Variants in SPAM1 observed in about 807,000 individuals in gnomAD.
SPAM1 encodes the protein sperm adhesion molecule 1.
In SPAM1, 22 loss-of-function variants were observed where a neutral mutation model predicts 29.6. The ratio of observed to expected loss-of-function variants is 0.74; its 90% CI spans 0.53 to 1.06. The LOEUF (loss-of-function observed/expected upper bound fraction) is 1.06. Among genes scored for constraint, SPAM1 ranks in the 50% least tolerant of loss-of-function variants. SPAM1 has a pLI of 0.00. For synonymous variants in SPAM1, 194 were observed against 204.6 expected (o/e 0.95, Z 0.44); for missense variants, 534 against 604.0 (o/e 0.88, Z 1.21).
downstream of SPAM1, among the ~76,000 whole-genome samples, chr7:123,963,436 C>G (rs186522907): frequency 2.6e-5 from 4 of 151,478 alleles, no homozygotes; most frequent in Admixed American, 2.6e-4. Context: ...TAAGATATGG[C>G]TTTTTAGATA....
chr7:123,954,047 A>G lies in SPAM1; in HGVS notation c.477A>G (p.Lys159=), dbSNP rs1340466835. 1 of 1,613,618 alleles carries G rather than the reference A, an allele frequency of 6.2e-7. No homozygotes were observed. Among genetic ancestry groups the G allele is most frequent in the Non-Finnish European group, 8.5e-7 (1 of 1,179,770 alleles). ...EWRPTWARNW[K]PKDVYKNRSI... ...GACCCACTTGGGCAAGAAACTGGAA[A>G]CCTAAAGATGTTTACAAGAATAGGT... The change falls in exon 3 of 5, where the codon AAA becomes AAG. Residue 159 remains lysine, a synonymous_variant. Transcript: ENST00000682466.
rs145043462 is a variant in SPAM1, at chr7:123,930,390, A to G, written c.-319+5038A>G. Among the ~76,000 whole-genome samples the G allele has an allele frequency of 5.1e-3, 777 of 152,218 alleles. 10 individuals carry two copies. Among genetic ancestry groups the G allele is most frequent in the African/African-American group, 0.018 (730 of 41,544 alleles). ...AGGTAACTTTCCAGGCTTAGAATAC[A>G]TTTTTATCATGAGTTCAAGAGGTAT... is the stretch of plus-strand genomic sequence containing the variant. On this transcript the variant is annotated intron_variant, in intron 1 of 4. Transcript: ENST00000682466.
At chr7:123,961,437 C>T (rs117503156), downstream of SPAM1, among the ~76,000 whole-genome samples, 89 of 151,990 alleles carry the variant, frequency 5.9e-4, no homozygotes, top group East Asian at 0.017. Flanking sequence ...CTGTGCTTGC[C>T]TTATTTCCCA....
downstream of SPAM1, among the ~76,000 whole-genome samples, chr7:123,962,598 C>T (rs991806579): frequency 6.6e-6 from 1 of 151,812 alleles, no homozygotes. Flanking sequence ...TGACCAATGT[C>T]CTGTAATGTT....
At chr7:123,934,726 G>A (rs890768083) in intron 1 of SPAM1, among the ~76,000 whole-genome samples, 2 of 152,158 alleles carry the variant, frequency 1.3e-5, no homozygotes, top group Admixed American at 6.5e-5. Flanking sequence ...AGTGAAATAA[G>A]CTAAGCACAG....
At chr7:123,970,420 C>T in intron 6 of SPAM1, 1 of 595,290 alleles carries the variant, frequency 1.7e-6, no homozygotes, top group Non-Finnish European at 2.8e-6. Flanking sequence ...ACTTAATTAC[C>T]TCTTAAAGAT....
In SPAM1 at chr7:123,925,322, A is replaced by C. The variant is rs973671475; in HGVS notation, c.-349A>C. The C allele has an allele frequency of 1.3e-5, 2 of 152,212 alleles. No homozygotes were observed. Among genetic ancestry groups the C allele is most frequent in the African/African-American group, 4.8e-5 (2 of 41,454 alleles). 9.4% of individuals were successfully genotyped at this position (152,212 alleles called of 1,614,324 possible). On this transcript the variant is annotated 5_prime_UTR_variant, in exon 1 of 5. Transcript: ENST00000682466. ...AAGTATGATAGCAGTGTAGGTGGTT[A>C]GCAGCACCTCATAAGGTCCTTCCTA...
At chr7:123,951,891 G>C (rs1584957423) in intron 2 of SPAM1, among the ~76,000 whole-genome samples, 1 of 152,048 alleles carries the variant, frequency 6.6e-6, no homozygotes, top group Non-Finnish European at 1.5e-5. Context: ...CAAAGTGCTC[G>C]GATTACAGGC....
chr7:123,950,399 A>G (rs1303368992), intron 2 of SPAM1, among the ~76,000 whole-genome samples: 1 of 152,008 alleles, frequency 6.6e-6, no homozygotes, highest in Non-Finnish European at 1.5e-5. Flanking sequence ...GTAATTTTTC[A>G]ATCCTCATCC....
rs1449500013 is a variant in SPAM1 at position 123,959,997 on chromosome 7, A to G, written c.*28A>G. The G allele has an allele frequency of 6.4e-7, 1 of 1,572,264 alleles. No individual in the cohort carries two copies. The highest frequency in any genetic ancestry group is 1.4e-5 in the African/African-American group (1 of 73,700). ...GCGCAGGTTAGCTGAAATGAACAAT[A>G]TGTCCATCTTAAAGTGTGCTTTTTC... On this transcript the variant is annotated 3_prime_UTR_variant, in exon 5 of 5. Transcript: ENST00000682466.
rs574067349 is a variant in SPAM1, at chr7:123,953,825, G to T, written c.255G>T (p.Gly85=). The change falls in exon 3 of 5, where the codon GGG becomes GGT. Residue 85 remains glycine (G), a synonymous_variant. Transcript: ENST00000682466. Reference sequence around the variant, plus strand: ...GAAGCCCCCGAATAAACGCCACCGGGCAAGGTGTTACAATATTTTATGTTG... The same window carrying T: ...GAAGCCCCCGAATAAACGCCACCGGTCAAGGTGTTACAATATTTTATGTTG... ...FIGSPRINAT[G]QGVTIFYVDR... is the part of the protein sequence containing the mutation. The T allele has an allele frequency of 3.7e-6, 6 of 1,613,412 alleles. No individual in the cohort carries two copies. The South Asian group carries it at 6.6e-5, about 18-fold the overall frequency.
At chr7:123,955,152 G>T (rs1792222468) in intron 4 of SPAM1, 66 bp downstream of exon 4, 1 of 1,163,954 alleles carries the variant, frequency 8.6e-7, no homozygotes. Flanking sequence ...GGATTGTTTT[G>T]GTATTAAATA....
At chr7:123,931,692 C>CT (rs997461022) in intron 1 of SPAM1, among the ~76,000 whole-genome samples, 11 of 152,188 alleles carry the variant, frequency 7.2e-5, no homozygotes, top group South Asian at 6.2e-4. Flanking sequence ...AATTAGTCTG[C>CT]TTTTTTCCAA....
chr7:123,928,020 A>T (rs62472138), intron 1 of SPAM1, among the ~76,000 whole-genome samples: 1,960 of 152,210 alleles, frequency 0.013, 26 homozygotes, highest in Non-Finnish European at 0.02. Flanking sequence ...GTAAGAGTTC[A>T]TGGCTCTTAG....
chr7:123,943,050 C>G (rs545310542), intron 1 of SPAM1, among the ~76,000 whole-genome samples: 15 of 152,234 alleles, frequency 9.9e-5, no homozygotes, highest in African/African-American at 3.6e-4. Context: ...GTATACTTTA[C>G]TCAATTATTA....
At chr7:123,960,355 C>T (rs1792342722), downstream of SPAM1, among the ~76,000 whole-genome samples, 1 of 151,888 alleles carries the variant, frequency 6.6e-6, no homozygotes, top group Admixed American at 6.6e-5. Context: ...AGTGAAAACC[C>T]TTTCAATACA....
Position 123,959,920 on chromosome 7 carries a change from T to C in SPAM1, c.1481T>C (p.Phe494Ser), listed in dbSNP as rs1410850845. 6.2e-7 allele frequency: 1 copy of C among 1,611,442 alleles called. No individual in the cohort carries two copies. The highest frequency in any genetic ancestry group is 2.2e-5 in the East Asian group (1 of 44,840). The change falls in exon 5 of 5, where the codon TTC (phenylalanine) becomes TCC (serine). Residue 494 changes from phenylalanine to serine, a missense_variant. Transcript: ENST00000682466. ...CCCTCCACACTATCTGCCACAATGT[T>C]CATTGTTAGTATTTTGTTTCTTATC... ...ASPSTLSATM[F>S]IVSILFLIIS...
intron 1 of SPAM1, among the ~76,000 whole-genome samples, chr7:123,937,330 G>A (rs10232296): frequency 0.032 from 4,934 of 152,072 alleles, 83 homozygotes; most frequent in Middle Eastern, 0.078. Context: ...GGCCGGGCGC[G>A]GTGGCTCACG....
intron 4 of SPAM1, among the ~76,000 whole-genome samples, chr7:123,957,156 T>A (rs528916825): frequency 2.0e-5 from 3 of 152,132 alleles, no homozygotes; most frequent in Admixed American, 6.6e-5. Flanking sequence ...TTGGAACTTA[T>A]GAGTACTTAA....
Sources: gnomAD v4.1 joint callset for allele counts (sites outside exome capture counted in the v4.1 genomes callset) on GRCh38, gnomAD v4.1.1 for gene constraint, MANE v1.5 for transcripts, NCBI Gene and HGNC (gene_info 2026-07-23, HGNC 2026-07-21) for gene names.